The following MDFIC variants were observed in gnomAD, a reference collection of about 807,000 sequenced individuals.
MDFIC encodes MyoD family inhibitor domain containing.
In MDFIC, 17 loss-of-function variants were observed where a neutral mutation model predicts 23.2. That is an observed-to-expected ratio of 0.73 (90% CI 0.50 to 1.10). MDFIC has a LOEUF of 1.10. Ranked by LOEUF, MDFIC falls within the 50% of genes least tolerant of loss-of-function variation. MDFIC has a pLI of 0.00. For synonymous variants in MDFIC, 120 were observed against 115.2 expected, an observed-to-expected ratio of 1.04 and a Z score of -0.27; for missense variants, 356 against 316.6, an observed-to-expected ratio of 1.12 and a Z score of -0.95.
chr7:114,972,360 T>C (rs1225447907), intron 3 of MDFIC, among the ~76,000 whole-genome samples: 2 of 152,074 alleles, frequency 1.3e-5, no homozygotes, highest in South Asian at 2.1e-4. Flanking sequence ...CCGACCTGGT[T>C]TAAAACTAAA....
Position 114,922,374 on chromosome 7 carries a change from A to C in MDFIC, c.-370A>C. The C allele has an allele frequency of 1.6e-6, 2 of 1,227,590 alleles. No homozygotes were observed. Among genetic ancestry groups the C allele is most frequent in the Admixed American group, 4.2e-5 (1 of 23,710 alleles). 76.0% of individuals were successfully genotyped at this position (1,227,590 alleles called of 1,614,324 possible). A position where few individuals can be genotyped will look rare whatever the true frequency, so the allele number is the denominator to read the frequency against. On this transcript the variant is annotated 5_prime_UTR_variant, in exon 1 of 5. Coordinates refer to ENST00000393486, the MANE Select transcript of MDFIC (RefSeq NM_001166345.3). ...GCAGAGAGGGGGAAGGCCCCCTCGC[A>C]GGGGAGCCGGCTGGAGTGAGCTGGC... is the stretch of plus-strand genomic sequence containing the variant.
chr7:115,004,216 A>G (rs1791522768), intron 4 of MDFIC, among the ~76,000 whole-genome samples: 1 of 152,182 alleles, frequency 6.6e-6, no homozygotes, highest in African/African-American at 2.4e-5. Context: ...AAAATGAGCC[A>G]AATGTTCACC....
chr7:114,955,922 T>C (rs967961341), intron 3 of MDFIC, among the ~76,000 whole-genome samples: 1 of 152,190 alleles, frequency 6.6e-6, no homozygotes, highest in Non-Finnish European at 1.5e-5. Flanking sequence ...AGTATCACTA[T>C]TATTTATCTA....
intron 4 of MDFIC, among the ~76,000 whole-genome samples, chr7:114,990,224 T>C (rs1410743959): frequency 6.6e-6 from 1 of 152,216 alleles, no homozygotes; most frequent in African/African-American, 2.4e-5. Flanking sequence ...TTAATTGTGA[T>C]AATCTTTTAC....
At chr7:114,978,351 T>A (rs1239327872) in intron 3 of MDFIC, among the ~76,000 whole-genome samples, 1 of 152,132 alleles carries the variant, frequency 6.6e-6, no homozygotes, top group Non-Finnish European at 1.5e-5. Context: ...TGGCATTAAA[T>A]AATAAATCGG....
chr7:114,933,253 CT>C (rs34608476), intron 2 of MDFIC, among the ~76,000 whole-genome samples: 134 of 135,898 alleles, frequency 9.9e-4, no homozygotes, highest in South Asian at 2.3e-3. Context: ...GTGTTCCATT[CT>C]TTTTTTTTTT....
In MDFIC at chr7:114,922,392, G is replaced by C; in HGVS notation, c.-352G>C. On this transcript the variant is annotated 5_prime_UTR_variant, in exon 1 of 5. Coordinates refer to ENST00000393486, the MANE Select transcript of MDFIC (RefSeq NM_001166345.3). ...CCCTCGCAGGGGAGCCGGCTGGAGT[G>C]AGCTGGCTGGAAAGAGGGGGCGGAG... 8.1e-7 allele frequency: 1 copy of C among 1,237,036 alleles called. No homozygotes were observed. The highest frequency in any genetic ancestry group is 1.0e-6 in the Non-Finnish European group (1 of 989,186). The allele number at this position is 1,237,036 out of a possible 1,614,324, so 76.6% of individuals were successfully genotyped here. A position where few individuals can be genotyped will look rare whatever the true frequency, so the allele number is the denominator to read the frequency against.
intron 4 of MDFIC, among the ~76,000 whole-genome samples, chr7:114,991,566 G>A (rs547226650): frequency 1.1e-3 from 161 of 152,174 alleles, no homozygotes; most frequent in African/African-American, 3.7e-3. Context: ...CTTTCTACAT[G>A]TGGCTAGCCA....
intron 2 of MDFIC, among the ~76,000 whole-genome samples, chr7:114,929,399 C>A (rs1792265138): frequency 1.3e-5 from 2 of 152,162 alleles, no homozygotes; most frequent in African/African-American, 4.8e-5. Context: ...GCCACTGTGC[C>A]CAGCTTCCAT....
intron 3 of MDFIC, among the ~76,000 whole-genome samples, chr7:114,963,372 T>A (rs116862091): frequency 0.051 from 7,725 of 152,282 alleles, 245 homozygotes; most frequent in Middle Eastern, 0.12. Flanking sequence ...GCAAATGTGC[T>A]GAGCCTTGTT....
intron 4 of MDFIC, among the ~76,000 whole-genome samples, chr7:114,981,126 T>C (rs1222353306): frequency 6.6e-6 from 1 of 152,224 alleles, no homozygotes; most frequent in Non-Finnish European, 1.5e-5. Flanking sequence ...CAATTTTCTT[T>C]AGAGGATCTT....
At chr7:114,999,322 C>T (rs1317853888) in intron 4 of MDFIC, among the ~76,000 whole-genome samples, 7 of 151,826 alleles carry the variant, frequency 4.6e-5, no homozygotes, top group African/African-American at 1.7e-4. Flanking sequence ...ACACCCGGAA[C>T]TTTTCAACAA....
At position 114,922,243 on chromosome 7, in the gene MDFIC, G is replaced by A. The variant is rs1424719144; in HGVS notation, c.-501G>A. 6.8e-6 allele frequency: 4 copies of A among 589,466 alleles called. No homozygotes were observed. Among genetic ancestry groups the A allele is most frequent in the Non-Finnish European group, 9.9e-6 (4 of 402,120 alleles). 36.5% of individuals were successfully genotyped at this position (589,466 alleles called of 1,614,324 possible). ...CGGGTCGCGCCGCTCCCAGCATCGG[G>A]GCCGCTAGCCAAGAGTTCGAGGCCT... On this transcript the variant is annotated 5_prime_UTR_variant, in exon 1 of 5. Coordinates refer to ENST00000393486, the MANE Select transcript of MDFIC (RefSeq NM_001166345.3).
chr7:114,950,269 A>G (rs1230526097), intron 3 of MDFIC, among the ~76,000 whole-genome samples: 1 of 152,132 alleles, frequency 6.6e-6, no homozygotes, highest in African/African-American at 2.4e-5. Flanking sequence ...CAAGGAGGAG[A>G]TGGATTCAGC....
chr7:114,923,407 C>G, intron 2 of MDFIC: 1 of 1,488,486 alleles, frequency 6.7e-7, no homozygotes, highest in African/African-American at 1.4e-5. Flanking sequence ...TAAGCATATG[C>G]ATGTTTGGGC....
chr7:115,004,880 C>T (rs915018507), intron 4 of MDFIC, among the ~76,000 whole-genome samples: 4 of 152,232 alleles, frequency 2.6e-5, no homozygotes, highest in Non-Finnish European at 1.5e-5. Flanking sequence ...TCCAGGCCCA[C>T]ATTCAGCATC....
In MDFIC at chr7:115,018,476, T is replaced by G. The variant is rs1311636016; in HGVS notation, c.*2541T>G. The G allele has an allele frequency of 7.2e-5, 11 of 152,384 alleles. No homozygotes were observed. The highest frequency in any genetic ancestry group is 7.4e-5 in the Non-Finnish European group (5 of 67,854). 9.4% of individuals were successfully genotyped at this position (152,384 alleles called of 1,614,324 possible). ...GTATTTATGTTCATAGTACTTTTCC[T>G]CTTGTCTACTCCAGACAGTTATTCC... On this transcript the variant is annotated 3_prime_UTR_variant, in exon 5 of 5. Transcript: ENST00000393486.
At chr7:114,989,270 G>C (rs1195267410) in intron 4 of MDFIC, among the ~76,000 whole-genome samples, 1 of 152,134 alleles carries the variant, frequency 6.6e-6, no homozygotes, top group African/African-American at 2.4e-5. Context: ...AATGAGCACT[G>C]AAATATTTCT....
chr7:114,953,354 G>A (rs769462089), intron 3 of MDFIC, among the ~76,000 whole-genome samples: 1 of 152,088 alleles, frequency 6.6e-6, no homozygotes, highest in Non-Finnish European at 1.5e-5. Flanking sequence ...TTAAAAAGAG[G>A]ATTGGAATAA....
Sources: allele counts gnomAD v4.1 joint callset (sites outside exome capture counted in the v4.1 genomes callset), GRCh38; gene constraint gnomAD v4.1.1; transcripts MANE v1.5; gene names NCBI Gene and HGNC (gene_info 2026-07-23, HGNC 2026-07-21).